The following NLGN1 variants were observed in gnomAD, a reference collection of about 807,000 sequenced individuals.
NLGN1 encodes the protein neuroligin 1, also known as neuroligin-1.
Under a neutral mutation model 65.5 loss-of-function variants are expected in NLGN1, and 12 were observed. The ratio of observed to expected loss-of-function variants is 0.18; its 90% CI spans 0.12 to 0.30. The LOEUF is 0.30. Among genes scored for constraint, NLGN1 ranks in the 10% least tolerant of loss-of-function variants. NLGN1 has a pLI of 1.00. For missense variants in NLGN1, 750 were observed against 1,007.1 expected (o/e 0.74, Z 3.46); for synonymous variants, 350 against 359.5 (o/e 0.97, Z 0.30).
At chr3:174,267,214 G>T (rs1283275524) in intron 4 of NLGN1, among the ~76,000 whole-genome samples, 1 of 152,162 alleles carries the variant, frequency 6.6e-6, no homozygotes, top group Non-Finnish European at 1.5e-5. Context: ...TCATGGTTCT[G>T]CAGTTCTGTA....
In NLGN1 at chr3:174,223,892, T is replaced by A. The variant is rs2152808394; in HGVS notation, c.647-51423T>A. 1.3e-5 allele frequency among the ~76,000 whole-genome samples: 2 copies of A among 152,284 alleles called. 1 individual carries two copies. Among genetic ancestry groups the A allele is most frequent in the South Asian group, 4.1e-4 (2 of 4,828 alleles). On this transcript the variant is annotated intron_variant, in intron 4 of 6. Coordinates refer to ENST00000457714, the Ensembl canonical transcript of NLGN1. Reference sequence around the variant, plus strand: ...TCCCTGAGTTAATGAGACTGTATTGTAGAAATCTGAAAGTTATTTTAGACT... The same window carrying A: ...TCCCTGAGTTAATGAGACTGTATTGAAGAAATCTGAAAGTTATTTTAGACT...
At chr3:173,673,627 C>T (rs1249127946) in intron 3 of NLGN1, among the ~76,000 whole-genome samples, 1 of 152,088 alleles carries the variant, frequency 6.6e-6, no homozygotes, top group Non-Finnish European at 1.5e-5. Context: ...CCATTTTGTG[C>T]ATGAGGAAAC....
At chr3:174,254,056 A>G (rs1561396773) in intron 4 of NLGN1, among the ~76,000 whole-genome samples, 2 of 152,162 alleles carry the variant, frequency 1.3e-5, no homozygotes, top group Non-Finnish European at 2.9e-5. Context: ...AATTGTAAAC[A>G]GCTAACTCAG....
chr3:173,738,977 A>G (rs1255992372), intron 3 of NLGN1, among the ~76,000 whole-genome samples: 1 of 152,086 alleles, frequency 6.6e-6, no homozygotes, highest in African/African-American at 2.4e-5. Flanking sequence ...GGTTTTATCC[A>G]TGGAGAAAGA....
chr3:173,812,817 CTT>C (rs1006120596), intron 4 of NLGN1, among the ~76,000 whole-genome samples: 3 of 146,028 alleles, frequency 2.1e-5, no homozygotes, highest in African/African-American at 7.5e-5. Context: ...ATATATAAAA[CTT>C]TGGTGTGGTC....
intron 2 of NLGN1, among the ~76,000 whole-genome samples, chr3:173,560,268 A>G (rs1295070578): frequency 2.6e-5 from 4 of 152,052 alleles, no homozygotes; most frequent in African/African-American, 9.7e-5. Flanking sequence ...AGCATTATGA[A>G]TTTTTTCCTA....
rs10688223 is a variant in NLGN1 at position 173,994,491 on chromosome 3, A to AAAAAAAGAG, written c.646+186660_646+186661insAAAAAGAGA. 1.2e-3 allele frequency among the ~76,000 whole-genome samples: 96 copies of AAAAAAAGAG among 81,182 alleles called. 1 individual carries two copies. Among genetic ancestry groups the AAAAAAAGAG allele is most frequent in the East Asian group, 1.9e-3 (3 of 1,580 alleles). 53.3% of individuals were successfully genotyped at this position (81,182 alleles called of 152,430 possible). On this transcript the variant is annotated intron_variant, in intron 4 of 6. Transcript: ENST00000457714. Reference sequence around the variant, plus strand: ...AAAAAAAAAAAAAAAAAAAAAAAAAAAGAGAGAGAGAGAGCCTAATTAGTA... The same window carrying AAAAAAAGAG: ...AAAAAAAAAAAAAAAAAAAAAAAAAAAAAAAAGAGAGAGAGAGAGAGAGCCTAATTAGTA...
intron 4 of NLGN1, among the ~76,000 whole-genome samples, chr3:173,856,376 T>C (rs927754040): frequency 2.0e-5 from 3 of 152,094 alleles, no homozygotes; most frequent in African/African-American, 7.2e-5. Context: ...TTACATCTAT[T>C]TGGCAACTGG....
chr3:173,434,188 C>T (rs1717689185), intron 1 of NLGN1, among the ~76,000 whole-genome samples: 2 of 152,098 alleles, frequency 1.3e-5, no homozygotes, highest in African/African-American at 4.8e-5. Flanking sequence ...AATGTTTAGA[C>T]ATATTCAAAT....
chr3:173,862,438 G>A (rs1367434444), intron 4 of NLGN1, among the ~76,000 whole-genome samples: 5 of 144,226 alleles, frequency 3.5e-5, no homozygotes, highest in African/African-American at 1.0e-4. Flanking sequence ...CCCGGGAGAC[G>A]GAGCTTGCAG....
At chr3:173,422,381 A>G (rs2148701901) in intron 1 of NLGN1, among the ~76,000 whole-genome samples, 1 of 152,298 alleles carries the variant, frequency 6.6e-6, no homozygotes, top group Admixed American at 6.5e-5. Flanking sequence ...TAAAAATACT[A>G]TATGATCTAG....
chr3:173,936,108 CTT>C (rs1022509612), intron 4 of NLGN1, among the ~76,000 whole-genome samples: 2 of 145,674 alleles, frequency 1.4e-5, no homozygotes, highest in African/African-American at 5.0e-5. Flanking sequence ...CACATTAAGT[CTT>C]TTTTTTTTTC....
Position 173,676,781 on chromosome 3 carries a change from AT to A in NLGN1, c.493+71694del, listed in dbSNP as rs569480188. On this transcript the variant is annotated intron_variant, in intron 3 of 6. Transcript: ENST00000457714. ...TACCTCAAACAAAGCAAAATTTCAT[AT>A]TTTCTTACAATTATTTGTCTTCATA... Among the ~76,000 whole-genome samples the A allele has an allele frequency of 2.0e-3, 303 of 152,164 alleles. 4 individuals carry two copies. The highest frequency in any genetic ancestry group is 7.0e-3 in the African/African-American group (289 of 41,532).
chr3:174,289,604 T>C (rs184434911), downstream of NLGN1, among the ~76,000 whole-genome samples: 3 of 151,340 alleles, frequency 2.0e-5, no homozygotes, highest in East Asian at 5.9e-4. Context: ...TGTTAGAAGA[T>C]ATAGAAAAAT....
At chr3:173,419,415 T>C (rs75822454) in intron 1 of NLGN1, among the ~76,000 whole-genome samples, 2,551 of 152,072 alleles carry the variant, frequency 0.017, 69 homozygotes, top group African/African-American at 0.058. Context: ...AGCTAGCATG[T>C]CTCTGGTTGC....
intron 3 of NLGN1, among the ~76,000 whole-genome samples, chr3:173,792,387 A>C (rs976219597): frequency 2.0e-5 from 3 of 152,148 alleles, no homozygotes; most frequent in African/African-American, 4.8e-5. Flanking sequence ...GTAGAGAACT[A>C]TCTCTCTCAT....
chr3:173,700,394 A>G (rs1766944155), intron 3 of NLGN1, among the ~76,000 whole-genome samples: 1 of 152,248 alleles, frequency 6.6e-6, no homozygotes, highest in Non-Finnish European at 1.5e-5. Flanking sequence ...TCAAGGTGAG[A>G]AAAGATGTAT....
intron 3 of NLGN1, among the ~76,000 whole-genome samples, chr3:173,792,386 T>C (rs940090887): frequency 6.6e-6 from 1 of 152,154 alleles, no homozygotes; most frequent in Admixed American, 6.5e-5. Context: ...TGTAGAGAAC[T>C]ATCTCTCTCA....
Position 174,060,503 on chromosome 3 carries a change from T to C in NLGN1, c.647-214812T>C, listed in dbSNP as rs1299464948. ...GTGGAACAAAACTTTTCCCTTTCTT[T>C]GTCTCTCCCTAAGCAAATATTCATT... On this transcript the variant is annotated intron_variant, in intron 4 of 6. Transcript: ENST00000457714. Among the ~76,000 whole-genome samples, 4 of 152,218 alleles carry C rather than the reference T, an allele frequency of 2.6e-5. No homozygotes were observed. The East Asian group carries it at 7.8e-4, about 30-fold the overall frequency.
Sources: gnomAD v4.1 joint callset for allele counts (sites outside exome capture counted in the v4.1 genomes callset) on GRCh38, gnomAD v4.1.1 for gene constraint, MANE v1.5 for transcripts, NCBI Gene and HGNC (gene_info 2026-07-23, HGNC 2026-07-21) for gene names.